The following SLC8A1 variants were observed in gnomAD, a reference collection of about 807,000 sequenced individuals.
SLC8A1 encodes solute carrier family 8 member A1, also known as sodium/calcium exchanger 1.
A neutral mutation model predicts 68.3 loss-of-function variants in SLC8A1; 18 were observed. That is an observed-to-expected ratio of 0.26 (90% CI 0.18 to 0.39). The LOEUF is 0.39. Ranked by LOEUF, SLC8A1 falls within the 10% of genes least tolerant of loss-of-function variation. SLC8A1 has a pLI of 1.00. For missense variants in SLC8A1, 985 were observed against 1,156.7 expected, an observed-to-expected ratio of 0.85 and a Z score of 2.15; for synonymous variants, 475 against 415.5, an observed-to-expected ratio of 1.14 and a Z score of -1.74.
intron 7 of SLC8A1, among the ~76,000 whole-genome samples, chr2:40,127,822 A>G (rs2038466928): frequency 6.6e-6 from 1 of 152,204 alleles, no homozygotes; most frequent in Non-Finnish European, 1.5e-5. Flanking sequence ...GAATGTAACT[A>G]ATACAACCAA....
intron 2 of SLC8A1, among the ~76,000 whole-genome samples, chr2:40,425,424 C>G (rs1338914438): frequency 1.3e-5 from 2 of 151,804 alleles, no homozygotes; most frequent in African/African-American, 4.8e-5. Context: ...ATTCTCCATC[C>G]TTGATCAGAT....
At chr2:40,471,462 C>T (rs74647407) in intron 1 of SLC8A1, among the ~76,000 whole-genome samples, 1 of 152,290 alleles carries the variant, frequency 6.6e-6, no homozygotes, top group Non-Finnish European at 1.5e-5. Context: ...TCTAAACTCT[C>T]ATGGCATTAG....
intron 4 of SLC8A1, among the ~76,000 whole-genome samples, chr2:40,169,574 C>T (rs886600285): frequency 6.6e-6 from 1 of 152,164 alleles, no homozygotes; most frequent in Non-Finnish European, 1.5e-5. Context: ...ATCATCTGGG[C>T]ATATCTGGCT....
chr2:40,390,541 A>G (rs1684939391), intron 2 of SLC8A1, among the ~76,000 whole-genome samples: 1 of 152,098 alleles, frequency 6.6e-6, no homozygotes, highest in African/African-American at 2.4e-5. Context: ...AGGTCTACTA[A>G]GTCATAAACT....
intron 2 of SLC8A1, among the ~76,000 whole-genome samples, chr2:40,259,070 G>A (rs1245230442): frequency 2.6e-5 from 4 of 152,142 alleles, no homozygotes; most frequent in African/African-American, 9.7e-5. Flanking sequence ...AGGGTGTGAG[G>A]TGTTACTATT....
intron 1 of SLC8A1, among the ~76,000 whole-genome samples, chr2:40,467,624 T>G (rs570052870): frequency 6.6e-6 from 1 of 152,296 alleles, no homozygotes; most frequent in South Asian, 2.1e-4. Context: ...ATAGTATGTC[T>G]TTCTATTTGA....
At chr2:40,235,703 T>C (rs1437393562) in intron 2 of SLC8A1, among the ~76,000 whole-genome samples, 1 of 151,784 alleles carries the variant, frequency 6.6e-6, no homozygotes, top group Non-Finnish European at 1.5e-5. Flanking sequence ...GGGTGTCAAT[T>C]TTGGATCTTT....
intron 2 of SLC8A1, among the ~76,000 whole-genome samples, chr2:40,380,710 A>C (rs1008690664): frequency 1.3e-5 from 2 of 152,098 alleles, no homozygotes; most frequent in African/African-American, 4.8e-5. Context: ...GATTAAACTT[A>C]ATAGAATTTC....
At chr2:40,392,914 T>G (rs1483336236) in intron 2 of SLC8A1, among the ~76,000 whole-genome samples, 1 of 152,068 alleles carries the variant, frequency 6.6e-6, no homozygotes, top group Non-Finnish European at 1.5e-5. Flanking sequence ...ATACTTACTG[T>G]TTGTGCCTTG....
chr2:40,495,896 A>G (rs1012713679), intron 1 of SLC8A1, among the ~76,000 whole-genome samples: 3 of 152,076 alleles, frequency 2.0e-5, no homozygotes, highest in Admixed American at 6.6e-5. Flanking sequence ...AGAACTGTCA[A>G]TGATTCAGTT....
chr2:40,134,185 G>A (rs1010530167), intron 7 of SLC8A1, among the ~76,000 whole-genome samples: 2 of 151,612 alleles, frequency 1.3e-5, no homozygotes, highest in Admixed American at 6.6e-5. Flanking sequence ...TCCGCCTCCC[G>A]GGTTCAAGCC....
At chr2:40,428,740 T>C (rs751248742) in exon 2 of SLC8A1, 1 of 1,613,828 alleles carries the variant, frequency 6.2e-7, no homozygotes, top group South Asian at 1.1e-5. Flanking sequence ...TGTAGAAACA[T>C]GATTGGCTTC....
intron 2 of SLC8A1, among the ~76,000 whole-genome samples, chr2:40,243,550 A>G (rs1457671931): frequency 6.6e-6 from 1 of 152,204 alleles, no homozygotes; most frequent in East Asian, 1.9e-4. Flanking sequence ...AATAAAAAGT[A>G]ACATCATGGC....
intron 2 of SLC8A1, among the ~76,000 whole-genome samples, chr2:40,302,045 G>GTGTGTC (rs2071566799): frequency 6.7e-6 from 1 of 149,682 alleles, no homozygotes; most frequent in Non-Finnish European, 1.5e-5. Flanking sequence ...GTGTGTGTGT[G>GTGTGTC]TGTGTGTGTG....
chr2:40,131,035 G>C (rs765554), intron 7 of SLC8A1, among the ~76,000 whole-genome samples: 1 of 152,002 alleles, frequency 6.6e-6, no homozygotes, highest in Non-Finnish European at 1.5e-5. Context: ...TAGAAAGTAA[G>C]GGAGATCCAA....
chr2:40,262,182 C>T (rs2064801751), intron 2 of SLC8A1, among the ~76,000 whole-genome samples: 1 of 152,074 alleles, frequency 6.6e-6, no homozygotes, highest in Non-Finnish European at 1.5e-5. Flanking sequence ...AGGATGGTCT[C>T]GATCTCCTGA....
intron 2 of SLC8A1, among the ~76,000 whole-genome samples, chr2:40,383,672 A>G (rs1211407441): frequency 6.6e-6 from 1 of 152,108 alleles, no homozygotes; most frequent in African/African-American, 2.4e-5. Context: ...TTAATACATA[A>G]ACAAGTATTA....
At chr2:40,146,318 T>G (rs1573126376) in intron 6 of SLC8A1, among the ~76,000 whole-genome samples, 1 of 152,182 alleles carries the variant, frequency 6.6e-6, no homozygotes, top group East Asian at 1.9e-4. Context: ...TGGTTACTTG[T>G]GCCACTTCTG....
chr2:40,479,654 A>T (rs558076000), intron 1 of SLC8A1, among the ~76,000 whole-genome samples: 37 of 152,320 alleles, frequency 2.4e-4, no homozygotes, highest in African/African-American at 8.7e-4. Flanking sequence ...CCTATCTGTT[A>T]AAATACCGGT....
Sources: gnomAD v4.1 joint callset for allele counts (sites outside exome capture counted in the v4.1 genomes callset) on GRCh38, gnomAD v4.1.1 for gene constraint, MANE v1.5 for transcripts, NCBI Gene and HGNC (gene_info 2026-07-23, HGNC 2026-07-21) for gene names.